The following SOX5 variants were observed in gnomAD, a reference collection of about 807,000 sequenced individuals.
The protein encoded by SOX5 is transcription factor SOX-5.
SOX5 carries 9 observed loss-of-function variants against 92.0 expected under a neutral mutation model. The ratio of observed to expected loss-of-function variants is 0.10; its 90% confidence interval spans 0.06 to 0.17. SOX5 has a LOEUF of 0.17. Among genes scored for constraint, SOX5 ranks in the 10% least tolerant of loss-of-function variants. The probability of loss-of-function intolerance (pLI) is 1.00; values close to 1 mark genes in which losing one functional copy is unlikely to be tolerated. For missense variants in SOX5, 642 were observed against 944.5 expected (o/e 0.68, Z 4.20); for synonymous variants, 344 against 336.3 (o/e 1.02, Z -0.25).
chr12:24,151,184 T>C (rs1159034122), intron 4 of SOX5, among the ~76,000 whole-genome samples: 1 of 152,046 alleles, frequency 6.6e-6, no homozygotes, highest in East Asian at 1.9e-4. Flanking sequence ...ACTGGGAAAA[T>C]CGGGATAATA....
intron 4 of SOX5, among the ~76,000 whole-genome samples, chr12:24,120,225 A>T (rs1047857660): frequency 6.6e-6 from 1 of 152,326 alleles, no homozygotes; most frequent in Middle Eastern, 3.4e-3. Flanking sequence ...CATATGCTCA[A>T]CTTTAGTATA....
chr12:24,157,200 C>T (rs1319232949), intron 4 of SOX5, among the ~76,000 whole-genome samples: 2 of 151,990 alleles, frequency 1.3e-5, no homozygotes, highest in Admixed American at 1.3e-4. Flanking sequence ...CATAGTTAAG[C>T]ATTTTAAACT....
chr12:23,697,441 T>C lies in SOX5; in HGVS notation c.811-31877A>G, dbSNP rs146509713. Among the ~76,000 whole-genome samples the C allele has an allele frequency of 5.1e-3, 776 of 152,356 alleles. 7 individuals are homozygous for C. The highest frequency in any genetic ancestry group is 0.012 in the South Asian group (60 of 4,828). On this transcript the variant is annotated intron_variant, in intron 6 of 14. Coordinates refer to ENST00000451604, the MANE Select transcript of SOX5 (RefSeq NM_006940.6). ...TTTGCATTAACCTGTTTCTTTATACTGAAAGTGGTTTCCTGCAGACAACAT... is the reference window on the plus strand; with the variant it reads ...TTTGCATTAACCTGTTTCTTTATACCGAAAGTGGTTTCCTGCAGACAACAT...
At chr12:24,416,009 T>C (rs1964953190) in intron 1 of SOX5, among the ~76,000 whole-genome samples, 1 of 152,158 alleles carries the variant, frequency 6.6e-6, no homozygotes, top group African/African-American at 2.4e-5. Context: ...AGAAAACTTA[T>C]CCTGGACATT....
At chr12:23,979,246 CAG>C (rs1170446583) in intron 4 of SOX5, among the ~76,000 whole-genome samples, 2 of 152,016 alleles carry the variant, frequency 1.3e-5, no homozygotes, top group South Asian at 2.1e-4. Context: ...GTCTTTGAGA[CAG>C]AGTCTTACTC....
intron 4 of SOX5, among the ~76,000 whole-genome samples, chr12:24,137,034 T>A (rs1175555938): frequency 6.6e-6 from 1 of 152,234 alleles, no homozygotes; most frequent in African/African-American, 2.4e-5. Flanking sequence ...TTAAAGTGTC[T>A]TGGTCTTAGA....
chr12:23,540,212 T>A (rs944880760), intron 13 of SOX5, among the ~76,000 whole-genome samples: 3 of 151,822 alleles, frequency 2.0e-5, no homozygotes, highest in African/African-American at 7.3e-5. Context: ...GGTTGTCGTT[T>A]TAGAATAAAA....
In SOX5 at chr12:24,207,721, G is replaced by A. The variant is rs150596695; in HGVS notation, c.-2+5622C>T. Among the ~76,000 whole-genome samples the A allele has an allele frequency of 1.7e-3, 263 of 152,198 alleles. 7 individuals are homozygous for A. In the East Asian group the frequency reaches 0.041, roughly 24 times the overall value. ...TTCTTCTATTTCCACTATTCCATGC[G>A]ATCTTCAAAATTCTACATGGCATTC... On this transcript the variant is annotated intron_variant, in intron 4 of 4. Coordinates refer to the SOX5 transcript ENST00000446891.
intron 3 of SOX5, among the ~76,000 whole-genome samples, chr12:23,820,433 T>G (rs1171331403): frequency 6.6e-6 from 1 of 152,224 alleles, no homozygotes; most frequent in Non-Finnish European, 1.5e-5. Context: ...TTTAATTAGA[T>G]CCCATTTGTC....
chr12:23,844,701 G>A (rs1228398031), intron 3 of SOX5, among the ~76,000 whole-genome samples: 1 of 151,972 alleles, frequency 6.6e-6, no homozygotes, highest in Non-Finnish European at 1.5e-5. Context: ...CATTATTGCT[G>A]TTTCACACAG....
intron 1 of SOX5, among the ~76,000 whole-genome samples, chr12:23,919,505 T>C (rs1038577348): frequency 2.6e-5 from 4 of 152,238 alleles, no homozygotes; most frequent in Admixed American, 1.3e-4. Flanking sequence ...ATGCAGCTAA[T>C]ACTTATATAG....
intron 3 of SOX5, among the ~76,000 whole-genome samples, chr12:23,783,983 C>T (rs952980337): frequency 2.6e-5 from 4 of 152,084 alleles, no homozygotes; most frequent in Non-Finnish European, 5.9e-5. Context: ...TTTGTGACAC[C>T]GTTATTCTAC....
intron 4 of SOX5, among the ~76,000 whole-genome samples, chr12:23,746,180 G>A (rs1362373869): frequency 6.6e-6 from 1 of 152,116 alleles, no homozygotes; most frequent in Non-Finnish European, 1.5e-5. Context: ...ATCCCCAAGT[G>A]CTTAGAGAGA....
At chr12:23,841,219 C>T (rs529295189) in intron 3 of SOX5, among the ~76,000 whole-genome samples, 1 of 152,170 alleles carries the variant, frequency 6.6e-6, no homozygotes, top group South Asian at 2.1e-4. Context: ...AGATGCTGAA[C>T]ATTTCTTAAA....
At chr12:23,802,581 T>C (rs530492681) in intron 3 of SOX5, among the ~76,000 whole-genome samples, 2 of 152,252 alleles carry the variant, frequency 1.3e-5, no homozygotes, top group East Asian at 1.9e-4. Context: ...TCAGCATAGC[T>C]TGTCTGTGTG....
In SOX5 at chr12:23,534,300, A is replaced by C. The variant is rs1939709938; in HGVS notation, c.2211T>G (p.Asp737Glu). Residue 737 changes from aspartate to glutamate, a missense_variant, in exon 15 of 15, where the codon GAT becomes GAG. This residue lies in a region of SOX5 where 130 missense variants were observed against 140.6 expected (regional missense o/e 0.92). Transcript: ENST00000451604. ...QAEDINGEIY[D>E]EYDEEEDDPD... ...GATCATCCTCTTCCTCGTCGTACTC[A>C]TCATAAATTTCTCCATTGATGTCCT... 6.2e-7 allele frequency: 1 copy of C among 1,614,030 alleles called. No homozygotes were observed. Among genetic ancestry groups the C allele is most frequent in the African/African-American group, 1.3e-5 (1 of 74,930 alleles).
At chr12:24,395,024 G>A (rs757817153) in intron 1 of SOX5, among the ~76,000 whole-genome samples, 4 of 152,076 alleles carry the variant, frequency 2.6e-5, no homozygotes, top group Non-Finnish European at 5.9e-5. Flanking sequence ...GTTGATTAAT[G>A]AGTATTCTAC....
intron 1 of SOX5, among the ~76,000 whole-genome samples, chr12:24,463,399 A>G (rs1416362169): frequency 6.6e-6 from 1 of 152,206 alleles, no homozygotes; most frequent in Non-Finnish European, 1.5e-5. Flanking sequence ...TTGGATGCTC[A>G]CAAATCACAC....
intron 4 of SOX5, among the ~76,000 whole-genome samples, chr12:23,970,304 A>C (rs1274343141): frequency 6.6e-6 from 1 of 151,914 alleles, no homozygotes; most frequent in Admixed American, 6.6e-5. Context: ...TAACATATAT[A>C]TATATCTTAC....
Sources: gnomAD v4.1 joint callset for allele counts (sites outside exome capture counted in the v4.1 genomes callset) on GRCh38, gnomAD v4.1.1 for gene constraint, gnomAD v4.1.1 regional missense constraint, MANE v1.5 for transcripts, NCBI Gene and HGNC (gene_info 2026-07-23, HGNC 2026-07-21) for gene names.